The following PRP4K variants were observed in gnomAD, a reference collection of about 807,000 sequenced individuals.
PRP4K encodes the protein pre-mRNA processing factor kinase PRP4K.
At chr6:4,056,984 A>C in the PRP4K span, 1 of 1,455,530 alleles carries the variant, frequency 6.9e-7, no homozygotes, top group East Asian at 2.3e-5. Flanking sequence ...AAAAATTAAT[A>C]GTCGTCAGTT....
the PRP4K span, chr6:4,043,726 CTT>C: frequency 7.8e-7 from 1 of 1,288,838 alleles, no homozygotes. Flanking sequence ...GTTCTCTTAA[CTT>C]TTCACTGCAG....
At chr6:4,051,850 C>A in the PRP4K span, 1 of 688,150 alleles carries the variant, frequency 1.5e-6, no homozygotes, top group Non-Finnish European at 2.3e-6. Flanking sequence ...ATACAGACTT[C>A]TCCCACACAT....
chr6:4,058,679 G>A, the PRP4K span: 2,041 of 1,295,326 alleles, frequency 1.6e-3, 11 homozygotes, highest in Middle Eastern at 9.7e-3. Flanking sequence ...ATTGTTAGTA[G>A]GCCTGTTTCA....
chr6:4,032,614 G>C, the PRP4K span: 4 of 1,614,054 alleles, frequency 2.5e-6, no homozygotes, highest in Non-Finnish European at 3.4e-6. Context: ...TCAAGAAGAA[G>C]CAGGTCTCCA....
the PRP4K span, among the ~76,000 whole-genome samples, chr6:4,022,130 G>C: frequency 1.4e-5 from 2 of 144,788 alleles, no homozygotes; most frequent in African/African-American, 5.2e-5. Flanking sequence ...AAGTAAGATA[G>C]AGTCTTTGGT....
the PRP4K span, chr6:4,049,400 G>A: frequency 6.5e-6 from 3 of 458,996 alleles, no homozygotes; most frequent in Admixed American, 3.9e-5. Context: ...TACTCGTCTT[G>A]ATCTGAAACC....
the PRP4K span, chr6:4,032,540 A>G: frequency 6.2e-7 from 1 of 1,613,586 alleles, no homozygotes; most frequent in Non-Finnish European, 8.5e-7. Flanking sequence ...AAAATAGGTC[A>G]CCCAGCAGAA....
chr6:4,035,264 TGC>T, the PRP4K span, among the ~76,000 whole-genome samples: 1 of 142,670 alleles, frequency 7.0e-6, no homozygotes, highest in Admixed American at 7.2e-5. Flanking sequence ...ACTACAGGTG[TGC>T]GCCACCACGC....
At chr6:4,056,392 A>G in the PRP4K span, 2 of 1,614,148 alleles carry the variant, frequency 1.2e-6, no homozygotes, top group South Asian at 1.1e-5. Flanking sequence ...ATAATGACAT[A>G]ACACCTTATC....
At chr6:4,049,213 C>T in the PRP4K span, 1 of 1,026,670 alleles carries the variant, frequency 9.7e-7, no homozygotes, top group Non-Finnish European at 1.4e-6. Flanking sequence ...AATCACATCA[C>T]AGTGCCATCT....
the PRP4K span, chr6:4,032,465 G>T: frequency 6.2e-7 from 1 of 1,613,974 alleles, no homozygotes; most frequent in East Asian, 2.2e-5. Flanking sequence ...AATCAAAACG[G>T]TCTGAAACTG....
At chr6:4,046,010 A>T in the PRP4K span, among the ~76,000 whole-genome samples, 7,831 of 152,252 alleles carry the variant, frequency 0.051, 663 homozygotes, top group African/African-American at 0.18. Flanking sequence ...ACTCCTTTTT[A>T]TAGGCTCCGC....
chr6:4,057,680 A>G, the PRP4K span, among the ~76,000 whole-genome samples: 3 of 151,888 alleles, frequency 2.0e-5, no homozygotes, highest in Admixed American at 2.0e-4. Context: ...CTTCAGCTAT[A>G]ATGCTAGTTT....
chr6:4,033,659 TTCC>T, the PRP4K span, among the ~76,000 whole-genome samples: 1 of 152,212 alleles, frequency 6.6e-6, no homozygotes, highest in African/African-American at 2.4e-5. Flanking sequence ...ATGTTATTAA[TTCC>T]TAGCCGTTTA....
At chr6:4,048,095 A>G in the PRP4K span, among the ~76,000 whole-genome samples, 1 of 151,920 alleles carries the variant, frequency 6.6e-6, no homozygotes, top group Admixed American at 6.6e-5. Context: ...AATCATCAGA[A>G]GGGCCTGGCA....
chr6:4,055,737 A>G, the PRP4K span, among the ~76,000 whole-genome samples: 511 of 152,376 alleles, frequency 3.4e-3, 1 homozygote, highest in African/African-American at 0.012. Flanking sequence ...GTTCATGTTT[A>G]TCAGTTTTGC....
At chr6:4,049,655 A>G in the PRP4K span, 7 of 1,396,320 alleles carry the variant, frequency 5.0e-6, no homozygotes, top group South Asian at 1.3e-5. Flanking sequence ...CAATTTTTAA[A>G]TGACTGCACT....
chr6:4,029,012 CTTTTTTTTTTTTT>C, the PRP4K span, among the ~76,000 whole-genome samples: 1 of 132,570 alleles, frequency 7.5e-6, no homozygotes, highest in Non-Finnish European at 1.6e-5. Context: ...TACTTGGAAT[CTTTTTTTTTTTTT>C]TTTTTTTTAA....
the PRP4K span, chr6:4,051,873 A>G: frequency 9.0e-6 from 8 of 889,536 alleles, no homozygotes; most frequent in Non-Finnish European, 1.3e-5. Flanking sequence ...CCTGATCGTC[A>G]TACTGGGGCT....
Sources: allele counts gnomAD v4.1 joint callset (sites outside exome capture counted in the v4.1 genomes callset), GRCh38; gene constraint gnomAD v4.1.1; transcripts MANE v1.5; gene names NCBI Gene and HGNC (gene_info 2026-07-23, HGNC 2026-07-21).